FBXL7: variants seen among roughly 807,000 people sequenced by gnomAD.
FBXL7 encodes F-box/LRR-repeat protein 7.
In FBXL7, 12 loss-of-function variants were observed where a neutral mutation model predicts 38.3. That is an observed-to-expected ratio of 0.31 (90% confidence interval 0.20 to 0.51). The LOEUF is 0.51. Among genes scored for constraint, FBXL7 ranks in the 20% least tolerant of loss-of-function variants. The pLI, the probability that FBXL7 is intolerant of heterozygous loss-of-function variation, is 0.98. For synonymous variants in FBXL7, 297 were observed against 300.9 expected, an observed-to-expected ratio of 0.99 and a Z score of 0.13; for missense variants, 567 against 676.4, an observed-to-expected ratio of 0.84 and a Z score of 1.79.
chr5:15,721,609 T>C (rs1245974670), intron 2 of FBXL7, among the ~76,000 whole-genome samples: 1 of 151,982 alleles, frequency 6.6e-6, no homozygotes, highest in African/African-American at 2.4e-5. Context: ...AAAATAGAAA[T>C]ATTCCTTAAC....
intron 2 of FBXL7, among the ~76,000 whole-genome samples, chr5:15,871,522 T>C (rs1009835401): frequency 8.5e-5 from 13 of 152,182 alleles, no homozygotes; most frequent in African/African-American, 3.1e-4. Context: ...AGGAGCATGT[T>C]CTAACCCAAT....
At chr5:15,598,554 G>A (rs1268353065) in intron 1 of FBXL7, among the ~76,000 whole-genome samples, 1 of 152,124 alleles carries the variant, frequency 6.6e-6, no homozygotes, top group African/African-American at 2.4e-5. Context: ...TAGGGTGGGT[G>A]TTGGGACCCA....
At chr5:15,720,474 T>C (rs1180381311) in intron 2 of FBXL7, among the ~76,000 whole-genome samples, 1 of 148,778 alleles carries the variant, frequency 6.7e-6, no homozygotes, top group East Asian at 1.9e-4. Flanking sequence ...GATTACCTGA[T>C]TCACTTTATT....
intron 2 of FBXL7, among the ~76,000 whole-genome samples, chr5:15,795,485 A>T (rs1737391564): frequency 6.6e-6 from 1 of 152,218 alleles, no homozygotes; most frequent in South Asian, 2.1e-4. Flanking sequence ...ATTCTAAAAA[A>T]GGTATGCCTA....
chr5:15,538,945 A>T (rs879357167), intron 1 of FBXL7, among the ~76,000 whole-genome samples: 1 of 152,190 alleles, frequency 6.6e-6, no homozygotes, highest in Non-Finnish European at 1.5e-5. Context: ...TAGATGGAGG[A>T]GAAAATAAAA....
At position 15,781,446 on chromosome 5, in the gene FBXL7, T is replaced by TGC. The variant is rs1736989410; in HGVS notation, c.128-146443_128-146442insCG. ...GAAATTGTGTGAGTGTGTGTGTGTG[T>TGC]GTGCGCGCGCGTGTGTGTGTGTGTT... On this transcript the variant is annotated intron_variant, in intron 2 of 3. Coordinates refer to ENST00000504595, the MANE Select transcript of FBXL7 (RefSeq NM_012304.5). Among the ~76,000 whole-genome samples the TGC allele has an allele frequency of 2.0e-5, 3 of 151,842 alleles. No homozygotes were observed. In the South Asian group the frequency reaches 6.3e-4, roughly 32 times the overall value.
At chr5:15,565,015 CA>C (rs1168469533) in intron 1 of FBXL7, among the ~76,000 whole-genome samples, 1 of 151,396 alleles carries the variant, frequency 6.6e-6, no homozygotes, top group African/African-American at 2.4e-5. Flanking sequence ...TAAATAAAAC[CA>C]AACATTTATA....
intron 2 of FBXL7, among the ~76,000 whole-genome samples, chr5:15,668,752 T>C (rs941843006): frequency 6.6e-6 from 1 of 152,192 alleles, no homozygotes; most frequent in African/African-American, 2.4e-5. Context: ...TAATGTTATT[T>C]TGGATTTCTG....
chr5:15,686,169 A>G (rs942307392), intron 2 of FBXL7, among the ~76,000 whole-genome samples: 9 of 152,154 alleles, frequency 5.9e-5, no homozygotes, highest in Non-Finnish European at 1.2e-4. Context: ...TTTGTTTACT[A>G]TTCATCTGGT....
chr5:15,834,110 A>AC (rs1738526901), intron 2 of FBXL7, among the ~76,000 whole-genome samples: 1 of 152,206 alleles, frequency 6.6e-6, no homozygotes, highest in African/African-American at 2.4e-5. Flanking sequence ...AAAAATGCTT[A>AC]CCAGGAGTTA....
chr5:15,924,892 G>T (rs564582448), intron 2 of FBXL7, among the ~76,000 whole-genome samples: 3 of 152,194 alleles, frequency 2.0e-5, no homozygotes, highest in Non-Finnish European at 4.4e-5. Flanking sequence ...CTCCCAAAGG[G>T]CTGGGATTAT....
At position 15,829,250 on chromosome 5, in the gene FBXL7, TGTG is replaced by T. The variant is rs552489882; in HGVS notation, c.128-98622_128-98620del. On this transcript the variant is annotated intron_variant, in intron 2 of 3. Coordinates refer to ENST00000504595, the MANE Select transcript of FBXL7 (RefSeq NM_012304.5). ...CCTTGTCTTCTACAGTAATTGTCTT[TGTG>T]GTGGTGGTGGTGGTGGTTTTTGCAG... Among the ~76,000 whole-genome samples the T allele has an allele frequency of 1.2e-4, 18 of 152,194 alleles. No homozygotes were observed. In the South Asian group the frequency reaches 3.7e-3, roughly 32 times the overall value.
intron 2 of FBXL7, among the ~76,000 whole-genome samples, chr5:15,891,706 G>C (rs182196012): frequency 1.3e-5 from 2 of 152,300 alleles, no homozygotes; most frequent in East Asian, 3.9e-4. Context: ...GGTGACCTCT[G>C]AGCCCAGTTT....
At chr5:15,765,776 T>C (rs999752430) in intron 2 of FBXL7, among the ~76,000 whole-genome samples, 3 of 152,100 alleles carry the variant, frequency 2.0e-5, no homozygotes, top group Admixed American at 6.6e-5. Context: ...GCTGGGAATC[T>C]CTGCCTGGAT....
At chr5:15,918,290 G>A (rs1483804698) in intron 2 of FBXL7, among the ~76,000 whole-genome samples, 3 of 151,968 alleles carry the variant, frequency 2.0e-5, no homozygotes, top group African/African-American at 7.2e-5. Flanking sequence ...GGAAAAAGAG[G>A]GTACTAAGAA....
chr5:15,509,748 G>A (rs1269348682), intron 1 of FBXL7, among the ~76,000 whole-genome samples: 1 of 152,182 alleles, frequency 6.6e-6, no homozygotes. Context: ...CTTGGTCCAT[G>A]GAAGGTGATT....
intron 2 of FBXL7, among the ~76,000 whole-genome samples, chr5:15,897,500 A>G (rs1352360521): frequency 6.6e-6 from 1 of 152,224 alleles, no homozygotes; most frequent in Non-Finnish European, 1.5e-5. Flanking sequence ...AGTTTAAGTG[A>G]GGTGTACATC....
intron 2 of FBXL7, among the ~76,000 whole-genome samples, chr5:15,643,675 A>G (rs1741438666): frequency 6.6e-6 from 1 of 152,342 alleles, no homozygotes; most frequent in East Asian, 1.9e-4. Flanking sequence ...TAAAGGAAGC[A>G]TCTGCTTCTC....
intron 2 of FBXL7, among the ~76,000 whole-genome samples, chr5:15,790,305 G>A (rs1737240718): frequency 6.6e-6 from 1 of 152,072 alleles, no homozygotes; most frequent in Non-Finnish European, 1.5e-5. Flanking sequence ...CTGACCACCT[G>A]GAGTTCAGTG....
Sources: gnomAD v4.1 joint callset for allele counts (sites outside exome capture counted in the v4.1 genomes callset) on GRCh38, gnomAD v4.1.1 for gene constraint, MANE v1.5 for transcripts, NCBI Gene and HGNC (gene_info 2026-07-23, HGNC 2026-07-21) for gene names.